Variants in TRIM34 observed in about 807,000 individuals in gnomAD.
TRIM34 encodes tripartite motif containing 34, also known as E3 ubiquitin-protein ligase TRIM34.
Under a neutral mutation model 38.1 loss-of-function variants are expected in TRIM34, and 41 were observed. The observed-to-expected ratio is 1.08, with a 90% CI of 0.84 to 1.40. TRIM34 has a LOEUF of 1.40. Among genes scored for constraint, TRIM34 ranks in the 40% most tolerant of loss-of-function variants. TRIM34 has a pLI of 0.00. For synonymous variants in TRIM34, 200 were observed against 202.5 expected, an observed-to-expected ratio of 0.99 and a Z score of 0.10; for missense variants, 556 against 571.4, an observed-to-expected ratio of 0.97 and a Z score of 0.27.
At chr11:5,635,468 G>C (rs1380473572) in intron 4 of TRIM34, among the ~76,000 whole-genome samples, 1 of 152,034 alleles carries the variant, frequency 6.6e-6, no homozygotes, top group Non-Finnish European at 1.5e-5. Flanking sequence ...GTGCTAGCCA[G>C]TATGGTATTA....
chr11:5,622,026 T>A (rs1849007064), upstream of TRIM34, among the ~76,000 whole-genome samples: 2 of 152,174 alleles, frequency 1.3e-5, no homozygotes, highest in Non-Finnish European at 2.9e-5. Flanking sequence ...ACTTTCTATA[T>A]TATCTGAGAT....
At chr11:5,632,897 G>T in intron 2 of TRIM34, 143 bp downstream of exon 2, 1 of 1,156,096 alleles carries the variant, frequency 8.6e-7, no homozygotes, top group Non-Finnish European at 1.1e-6. Context: ...CGTGCTCTCG[G>T]CTCACTGCAA....
intron 7 of TRIM34, 88 bp downstream of exon 7, chr11:5,642,931 A>C (rs922543741): frequency 6.4e-7 from 1 of 1,560,394 alleles, no homozygotes; most frequent in Non-Finnish European, 8.7e-7. Flanking sequence ...TCTTAGCCTC[A>C]TGCATTCTCA....
rs1850128803 is a variant in TRIM34, at chr11:5,643,772, G to A, written c.*63G>A. 3.3e-6 allele frequency: 5 copies of A among 1,518,202 alleles called. No individual in the cohort carries two copies. The highest frequency in any genetic ancestry group is 4.4e-6 in the Non-Finnish European group (5 of 1,137,716). The allele number at this position is 1,518,202 out of a possible 1,614,324, so 94.0% of individuals were successfully genotyped here. On this transcript the variant is annotated 3_prime_UTR_variant, in exon 8 of 8. Transcript: ENST00000429814. ...CTTATCTCCTGCAACTGACTCATCT[G>A]CAACATTCACACCATTGCTTCCTTG...
chr11:5,632,796 T>C lies in TRIM34; in HGVS notation c.423+42T>C, dbSNP rs114234842. 1.8e-3 allele frequency: 2,745 copies of C among 1,509,428 alleles called. 30 individuals carry two copies. In the African/African-American group the frequency reaches 0.028, roughly 16 times the overall value. The allele number at this position is 1,509,428 out of a possible 1,614,324, so 93.5% of individuals were successfully genotyped here. A position where few individuals can be genotyped will look rare whatever the true frequency, so the allele number is the denominator to read the frequency against. On this transcript the variant is annotated intron_variant, in intron 2 of 7. Transcript: ENST00000429814. ...AGGGAGATGGGGCAGAAGATGGTAG[T>C]TGGTGGAAAATCTCACCTTTTCATC...
chr11:5,642,182 C>G (rs1450279265), intron 5 of TRIM34, among the ~76,000 whole-genome samples: 3 of 152,124 alleles, frequency 2.0e-5, no homozygotes, highest in Non-Finnish European at 4.4e-5. Context: ...ACTGTGCTTT[C>G]AAGAAATGAA....
intron 4 of TRIM34, among the ~76,000 whole-genome samples, chr11:5,640,841 C>A (rs1849975040): frequency 6.6e-6 from 1 of 152,112 alleles, no homozygotes; most frequent in Non-Finnish European, 1.5e-5. Context: ...TAGGCCTATT[C>A]ATATTTTCTA....
At chr11:5,629,874 A>G (rs1184865044) in intron 1 of TRIM34, among the ~76,000 whole-genome samples, 1 of 152,056 alleles carries the variant, frequency 6.6e-6, no homozygotes, top group Non-Finnish European at 1.5e-5. Context: ...CCCCTGGCTA[A>G]TTTTTGTATT....
chr11:5,624,292 C>A (rs1321384538), upstream of TRIM34, among the ~76,000 whole-genome samples: 3 of 152,152 alleles, frequency 2.0e-5, no homozygotes, highest in Non-Finnish European at 4.4e-5. Context: ...TTACTGTGCA[C>A]AGTTTGATGA....
At chr11:5,634,005 C>A in intron 3 of TRIM34, 106 bp downstream of exon 3, 1 of 1,181,758 alleles carries the variant, frequency 8.5e-7, no homozygotes. Flanking sequence ...GTCCTGAAGC[C>A]ATTTGATTAG....
chr11:5,624,838 G>A (rs1564880519), upstream of TRIM34: 1 of 152,128 alleles, frequency 6.6e-6, no homozygotes, highest in East Asian at 1.9e-4. Context: ...TCTGTCCAGA[G>A]GCTCTAAAGG....
intron 2 of TRIM34, 67 bp from the exon 3 acceptor site, chr11:5,633,735 CCT>C: frequency 6.9e-7 from 1 of 1,450,960 alleles, no homozygotes. Context: ...TGATTTTTTC[CCT>C]GTTTGTCCTC....
chr11:5,643,128 T>TATAGA lies in TRIM34; in HGVS notation c.902-16_902-15insATAGA. 2.3e-6 allele frequency: 3 copies of TATAGA among 1,312,840 alleles called. No individual in the cohort carries two copies. Among genetic ancestry groups the TATAGA allele is most frequent in the South Asian group, 2.2e-5 (1 of 45,510 alleles). The allele number at this position is 1,312,840 out of a possible 1,614,324, so 81.3% of individuals were successfully genotyped here. On this transcript the variant is annotated splice_polypyrimidine_tract_variant and intron_variant, in intron 7 of 7. Transcript: ENST00000429814. ...ATATTCATATACATATATATATATT[T>TATAGA]TTTTTTTTCTTGCAGTGGATGTCAC... is the stretch of plus-strand genomic sequence containing the variant.
At chr11:5,631,976 C>T (rs1849501329) in intron 1 of TRIM34, among the ~76,000 whole-genome samples, 1 of 152,106 alleles carries the variant, frequency 6.6e-6, no homozygotes, top group South Asian at 2.1e-4. Context: ...GTCTTAGCAG[C>T]CCTTCTGATG....
chr11:5,641,866 G>A (rs1320424371), intron 5 of TRIM34, among the ~76,000 whole-genome samples: 2 of 152,044 alleles, frequency 1.3e-5, no homozygotes, highest in Non-Finnish European at 2.9e-5. Context: ...CTCCTTTGCC[G>A]AGTGTTCGTG....
Position 5,643,746 on chromosome 11 carries a change from A to T in TRIM34, c.*37A>T, listed in dbSNP as rs567414748. 3.8e-4 allele frequency: 585 copies of T among 1,532,724 alleles called. 3 individuals are homozygous for T. The South Asian group carries it at 6.5e-3, about 17-fold the overall frequency. 94.9% of individuals were successfully genotyped at this position (1,532,724 alleles called of 1,614,324 possible). ...TCTTCACCTACAACCCTTTGTCTTG[A>T]CTTATCTCCTGCAACTGACTCATCT... On this transcript the variant is annotated 3_prime_UTR_variant, in exon 8 of 8. Coordinates refer to ENST00000429814, the MANE Select transcript of TRIM34 (RefSeq NM_021616.6).
intron 1 of TRIM34, among the ~76,000 whole-genome samples, chr11:5,627,281 G>A (rs1849289513): frequency 6.6e-6 from 1 of 152,092 alleles, no homozygotes; most frequent in Non-Finnish European, 1.5e-5. Context: ...TCGGGAGGCT[G>A]AGGCAAGAGA....
chr11:5,637,976 C>G (rs10838473), intron 4 of TRIM34, among the ~76,000 whole-genome samples: 49,389 of 152,058 alleles, frequency 0.32, 8,983 homozygotes, highest in East Asian at 0.62. Flanking sequence ...ATTACTCTTG[C>G]AAGAAAGACT....
chr11:5,640,605 T>A (rs907472969), intron 4 of TRIM34, among the ~76,000 whole-genome samples: 1 of 152,196 alleles, frequency 6.6e-6, no homozygotes, highest in Admixed American at 6.5e-5. Context: ...TTTCTTTTCT[T>A]GTGATGTCTT....
Sources: allele counts gnomAD v4.1 joint callset (sites outside exome capture counted in the v4.1 genomes callset), GRCh38; gene constraint gnomAD v4.1.1; transcripts MANE v1.5; gene names NCBI Gene and HGNC (gene_info 2026-07-23, HGNC 2026-07-21).